Variants in ABCA13 observed in about 807,000 individuals in gnomAD.
ABCA13 encodes the protein ATP binding cassette subfamily A member 13.
In ABCA13, 476 loss-of-function variants were observed where a neutral mutation model predicts 478.7. The observed-to-expected ratio is 0.99, with a 90% CI of 0.92 to 1.07. The LOEUF (loss-of-function observed/expected upper bound fraction) is 1.07. Ranked by LOEUF, ABCA13 falls within the 50% of genes least tolerant of loss-of-function variation. The pLI is 0.00. For synonymous variants in ABCA13, 2,252 were observed against 2,158.9 expected, an observed-to-expected ratio of 1.04 and a Z score of -1.20; for missense variants, 6,060 against 5,910.6, an observed-to-expected ratio of 1.03 and a Z score of -0.83.
At chr7:48,536,675 A>G (rs761961631) in intron 55 of ABCA13, among the ~76,000 whole-genome samples, 18 of 152,140 alleles carry the variant, frequency 1.2e-4, no homozygotes, top group Non-Finnish European at 2.2e-4. Flanking sequence ...TAACTTCAAC[A>G]TTTATAAAGT....
intron 51 of ABCA13, among the ~76,000 whole-genome samples, chr7:48,515,221 AC>A (rs1359644782): frequency 6.6e-6 from 1 of 152,212 alleles, no homozygotes; most frequent in Admixed American, 6.6e-5. Context: ...TGATACATTT[AC>A]CTTGAGTGAG....
intron 31 of ABCA13, among the ~76,000 whole-genome samples, chr7:48,360,853 A>T (rs1810710726): frequency 6.6e-6 from 1 of 151,726 alleles, no homozygotes; most frequent in Non-Finnish European, 1.5e-5. Context: ...GCCTTGAGGA[A>T]GCTTGGAGAG....
At chr7:48,230,082 G>T (rs60553397) in intron 7 of ABCA13, 127 bp downstream of exon 7, 1 of 1,176,318 alleles carries the variant, frequency 8.5e-7, no homozygotes, top group Non-Finnish European at 1.1e-6. Context: ...AAAAAAGTAT[G>T]AATTGTTTCT....
chr7:48,192,048 T>C (rs779670453), intron 1 of ABCA13, among the ~76,000 whole-genome samples: 1 of 152,264 alleles, frequency 6.6e-6, no homozygotes, highest in Non-Finnish European at 1.5e-5. Flanking sequence ...TATAAACTTT[T>C]GTATTTGCAA....
chr7:48,317,421 A>C, intron 27 of ABCA13, 125 bp downstream of exon 27: 1 of 1,097,976 alleles, frequency 9.1e-7, no homozygotes, highest in Non-Finnish European at 1.2e-6. Context: ...TTTTGAATCT[A>C]CTTCATTTTA....
At chr7:48,606,100 T>C (rs1791438135) in intron 58 of ABCA13, among the ~76,000 whole-genome samples, 2 of 152,334 alleles carry the variant, frequency 1.3e-5, no homozygotes, top group Middle Eastern at 6.8e-3. Flanking sequence ...ATTATTTTAG[T>C]TAGCAGTTCA....
At chr7:48,248,654 C>T (rs1306190383) in intron 14 of ABCA13, among the ~76,000 whole-genome samples, 1 of 152,210 alleles carries the variant, frequency 6.6e-6, no homozygotes, top group African/African-American at 2.4e-5. Context: ...TGTTTAACCA[C>T]TGACTTAATC....
chr7:48,506,832 A>G (rs1490337599), intron 49 of ABCA13, among the ~76,000 whole-genome samples: 1 of 152,140 alleles, frequency 6.6e-6, no homozygotes, highest in East Asian at 1.9e-4. Context: ...CTCTTCAGGT[A>G]CAGAATTCTG....
intron 19 of ABCA13, 149 bp downstream of exon 19, chr7:48,281,601 C>G (rs1243872380): frequency 1.5e-6 from 1 of 681,630 alleles, no homozygotes; most frequent in Non-Finnish European, 2.4e-6. Flanking sequence ...GAGGGATCTG[C>G]CCCTCCCAAC....
chr7:48,318,094 C>T lies in ABCA13; in HGVS notation c.9999+798C>T, dbSNP rs187523970. ...GCACTATTCATGATAAGCTTCCAAG[C>T]CTCAAATAGCATTAAAAATTTGGAA... On this transcript the variant is annotated intron_variant, in intron 27 of 61. Transcript: ENST00000435803. Among the ~76,000 whole-genome samples, 12 of 152,216 alleles carry T rather than the reference C, an allele frequency of 7.9e-5. No homozygotes were observed. The East Asian group carries it at 2.1e-3, about 27-fold the overall frequency.
intron 48 of ABCA13, among the ~76,000 whole-genome samples, chr7:48,505,045 G>A (rs1185454631): frequency 2.6e-5 from 4 of 152,182 alleles, no homozygotes; most frequent in African/African-American, 4.8e-5. Flanking sequence ...AAGCGATGCA[G>A]CAGGTGTCAG....
At chr7:48,392,247 G>C in intron 38 of ABCA13, 108 bp downstream of exon 38, 1 of 1,061,304 alleles carries the variant, frequency 9.4e-7, no homozygotes, top group Non-Finnish European at 1.4e-6. Context: ...ACATTTATAA[G>C]ATGAAATAAT....
chr7:48,443,363 G>C (rs1038288691), intron 42 of ABCA13, among the ~76,000 whole-genome samples: 12 of 152,296 alleles, frequency 7.9e-5, no homozygotes, highest in African/African-American at 2.9e-4. Flanking sequence ...GGGGCTTTCT[G>C]TGTGTTCATG....
intron 31 of ABCA13, among the ~76,000 whole-genome samples, chr7:48,364,419 G>A (rs774494430): frequency 1.3e-5 from 2 of 152,104 alleles, no homozygotes; most frequent in Non-Finnish European, 2.9e-5. Flanking sequence ...TTTGTGTTAG[G>A]AATATTACAA....
chr7:48,185,886 G>T (rs185681014), intron 1 of ABCA13, among the ~76,000 whole-genome samples: 1 of 151,702 alleles, frequency 6.6e-6, no homozygotes, highest in African/African-American at 2.4e-5. Context: ...AAGTATACAC[G>T]TTCATAATAT....
intron 1 of ABCA13, among the ~76,000 whole-genome samples, chr7:48,177,684 C>T (rs1041710908): frequency 3.3e-5 from 5 of 152,230 alleles, no homozygotes; most frequent in African/African-American, 1.2e-4. Context: ...CCCTCTCTGG[C>T]TGCAGTCATA....
intron 47 of ABCA13, among the ~76,000 whole-genome samples, chr7:48,488,755 T>A (rs1829572616): frequency 1.3e-5 from 2 of 152,230 alleles, no homozygotes. Context: ...TTTTCACCTT[T>A]CTCTTGACAG....
Position 48,644,638 on chromosome 7 carries a change from G to C in ABCA13, c.14965G>C (p.Glu4989Gln). The C allele has an allele frequency of 1.3e-6, 2 of 1,543,600 alleles. No individual in the cohort carries two copies. Among genetic ancestry groups the C allele is most frequent in the Non-Finnish European group, 1.8e-6 (2 of 1,131,526 alleles). Residue 4989 changes from glutamate (E) to glutamine (Q), a missense_variant, in exon 61 of 62, where the codon GAA (glutamate) becomes CAA (glutamine). Transcript: ENST00000435803. ...TTAGGGACAGCACCTGAATTTATTA[G>C]AATATCATGTGCCAAAAAGATGGGG... ...QFKGQHLNLL[E>Q]YHVPKRWGCL... is the part of the protein sequence containing the mutation.
chr7:48,423,318 T>C (rs913744083), intron 41 of ABCA13, among the ~76,000 whole-genome samples: 1 of 152,222 alleles, frequency 6.6e-6, no homozygotes, highest in Admixed American at 6.5e-5. Context: ...GTTTGGAAAT[T>C]CTTCCTCTGC....
Sources: gnomAD v4.1 joint callset for allele counts (sites outside exome capture counted in the v4.1 genomes callset) on GRCh38, gnomAD v4.1.1 for gene constraint, MANE v1.5 for transcripts, NCBI Gene and HGNC (gene_info 2026-07-23, HGNC 2026-07-21) for gene names.